COA1: variants seen among roughly 807,000 people sequenced by gnomAD.
COA1 encodes the protein cytochrome c oxidase assembly factor 1.
COA1 carries 13 observed loss-of-function variants against 16.0 expected under a neutral mutation model. The ratio of observed to expected loss-of-function variants is 0.81; its 90% confidence interval spans 0.53 to 1.29. The LOEUF is 1.29. Among genes scored for constraint, COA1 ranks in the 50% most tolerant of loss-of-function variants. The pLI, the probability that COA1 is intolerant of heterozygous loss-of-function variation, is 0.00. For missense variants in COA1, 179 were observed against 177.0 expected, an observed-to-expected ratio of 1.01 and a Z score of -0.06; for synonymous variants, 65 against 65.7, an observed-to-expected ratio of 0.99 and a Z score of 0.05.
At chr7:43,683,944 G>A (rs1400305938) in intron 1 of COA1, among the ~76,000 whole-genome samples, 2 of 152,142 alleles carry the variant, frequency 1.3e-5, no homozygotes. Context: ...AACAATGTTT[G>A]AGGTCACAAC....
intron 6 of COA1, chr7:43,632,879 C>T (rs1160314215): frequency 1.3e-5 from 2 of 152,224 alleles, no homozygotes; most frequent in African/African-American, 4.8e-5. Context: ...TTTTTCTGAG[C>T]ACTAGGTCTC....
chr7:43,636,162 G>T (rs1236508585), downstream of COA1, among the ~76,000 whole-genome samples: 2 of 152,256 alleles, frequency 1.3e-5, no homozygotes, highest in African/African-American at 4.8e-5. Flanking sequence ...CTACTTTTCT[G>T]CCCTGGATTA....
intron 1 of COA1, among the ~76,000 whole-genome samples, chr7:43,699,685 T>C (rs942090821): frequency 2.0e-5 from 3 of 152,148 alleles, no homozygotes; most frequent in Admixed American, 6.6e-5. Context: ...TAAGCATATT[T>C]AGAATGCTGT....
rs2086523763 is a variant in COA1, at chr7:43,639,510, C to CCA, written c.*70_*71dup. ...GAGTGTCTGTCACTGAGATGGGCCA[C>CCA]CACCCCAGTGGCCATATGGTAGAGA... On this transcript the variant is annotated 3_prime_UTR_variant, in exon 6 of 6. Transcript: ENST00000223336. The CCA allele has an allele frequency of 6.3e-6, 8 of 1,267,324 alleles. No individual in the cohort carries two copies. The highest frequency in any genetic ancestry group is 8.0e-6 in the Non-Finnish European group (7 of 870,486). 78.5% of individuals were successfully genotyped at this position (1,267,324 alleles called of 1,614,324 possible).
chr7:43,715,432 C>G (rs919003259), intron 1 of COA1, among the ~76,000 whole-genome samples: 1 of 149,338 alleles, frequency 6.7e-6, no homozygotes, highest in Admixed American at 6.7e-5. Flanking sequence ...GAGCGGAGAT[C>G]GTGCCACTGC....
intron 1 of COA1, among the ~76,000 whole-genome samples, chr7:43,654,174 G>A (rs534694124): frequency 2.6e-5 from 4 of 152,238 alleles, no homozygotes; most frequent in African/African-American, 9.6e-5. Context: ...CAAAGTTTCT[G>A]GGTTTGTAGC....
chr7:43,663,700 A>C (rs1167672021), intron 1 of COA1, among the ~76,000 whole-genome samples: 62 of 149,140 alleles, frequency 4.2e-4, no homozygotes, highest in African/African-American at 1.5e-3. Flanking sequence ...ACACACACAA[A>C]AAAAAACCTA....
intron 6 of COA1, among the ~76,000 whole-genome samples, chr7:43,629,807 C>A (rs1350881659): frequency 1.3e-5 from 2 of 152,188 alleles, no homozygotes; most frequent in Non-Finnish European, 2.9e-5. Context: ...ATGGGCAGAA[C>A]AAAGGACAGA....
chr7:43,691,293 G>GA (rs1409704344), intron 1 of COA1, among the ~76,000 whole-genome samples: 1 of 62,960 alleles, frequency 1.6e-5, no homozygotes, highest in African/African-American at 5.0e-5. Flanking sequence ...AAGAAAGAAA[G>GA]AAAGAAAGAA....
chr7:43,643,482 A>C lies in COA1; in HGVS notation c.264+1769T>G, dbSNP rs371673635. 3.1e-3 allele frequency among the ~76,000 whole-genome samples: 465 copies of C among 152,348 alleles called. 2 individuals carry two copies. Among genetic ancestry groups the C allele is most frequent in the African/African-American group, 0.011 (445 of 41,586 alleles). ...TGGGAGCAATCCGGTGGCCTGGCACAGAGTGAGCACTCCACACATGCCCAG... is the reference window on the plus strand; with the variant it reads ...TGGGAGCAATCCGGTGGCCTGGCACCGAGTGAGCACTCCACACATGCCCAG... On this transcript the variant is annotated intron_variant, in intron 4 of 5. Transcript: ENST00000223336.
chr7:43,728,730 C>T (rs1480762184), intron 1 of COA1, among the ~76,000 whole-genome samples: 1 of 152,176 alleles, frequency 6.6e-6, no homozygotes, highest in Non-Finnish European at 1.5e-5. Flanking sequence ...CGGAGAGTTG[C>T]TACTTCTATC....
intron 1 of COA1, among the ~76,000 whole-genome samples, chr7:43,680,283 C>CAA (rs552891478): frequency 0.014 from 1,003 of 72,966 alleles, 20 homozygotes; most frequent in African/African-American, 0.042. Flanking sequence ...GACAGGGAGA[C>CAA]AAAAAAAAAA....
At chr7:43,623,896 T>G (rs2084197236) in intron 6 of COA1, 1 of 1,479,180 alleles carries the variant, frequency 6.8e-7, no homozygotes, top group Non-Finnish European at 8.9e-7. Context: ...TGAGTAAGTA[T>G]TATTTTTATT....
chr7:43,638,283 A>C (rs1389906584), downstream of COA1, among the ~76,000 whole-genome samples: 1 of 151,246 alleles, frequency 6.6e-6, no homozygotes, highest in African/African-American at 2.4e-5. Flanking sequence ...ATGTAGGAAG[A>C]GAGCTCATGG....
At chr7:43,674,911 G>T (rs554228345) in intron 1 of COA1, among the ~76,000 whole-genome samples, 2 of 152,294 alleles carry the variant, frequency 1.3e-5, no homozygotes, top group East Asian at 3.9e-4. Context: ...GACGTGCTTG[G>T]CTGAAGGTAA....
chr7:43,618,196 G>A (rs779597703), intron 6 of COA1, among the ~76,000 whole-genome samples: 1 of 152,202 alleles, frequency 6.6e-6, no homozygotes, highest in African/African-American at 2.4e-5. Context: ...CCATGCTGTG[G>A]AGCAGGGACG....
At chr7:43,648,698 C>T in intron 1 of COA1, 46 bp from the exon 2 acceptor site, 1 of 1,444,140 alleles carries the variant, frequency 6.9e-7, no homozygotes, top group South Asian at 1.2e-5. Flanking sequence ...TTTTAAAGCC[C>T]AGTTCTCTCT....
chr7:43,619,594 T>C, intron 6 of COA1: 1 of 1,612,208 alleles, frequency 6.2e-7, no homozygotes, highest in South Asian at 1.1e-5. Context: ...TATTTTCTTT[T>C]AGCCTCAGAA....
intron 3 of COA1, chr7:43,647,185 T>TC: frequency 3.1e-6 from 1 of 325,694 alleles, no homozygotes. Context: ...GCCACAGCTT[T>TC]CCCCACCTGT....
Sources: allele counts gnomAD v4.1 joint callset (sites outside exome capture counted in the v4.1 genomes callset), GRCh38; gene constraint gnomAD v4.1.1; transcripts MANE v1.5; gene names NCBI Gene and HGNC (gene_info 2026-07-23, HGNC 2026-07-21).